AKAP9: variants seen among roughly 807,000 people sequenced by gnomAD.
The protein encoded by AKAP9 is A-kinase anchor protein 9.
AKAP9 carries 311 observed loss-of-function variants against 488.5 expected under a neutral mutation model. That is an observed-to-expected ratio of 0.64 (90% confidence interval 0.58 to 0.70). The LOEUF is 0.70. AKAP9 is among the 30% of genes least tolerant of loss of function. The probability of loss-of-function intolerance (pLI) is 0.00; values close to 1 mark genes in which losing one functional copy is unlikely to be tolerated. For synonymous variants in AKAP9, 1,462 were observed against 1,483.5 expected (o/e 0.99, Z 0.33); for missense variants, 4,215 against 4,374.5 (o/e 0.96, Z 1.03).
chr7:91,952,303 C>G (rs778174669), intron 1 of AKAP9, among the ~76,000 whole-genome samples: 10 of 152,214 alleles, frequency 6.6e-5, no homozygotes, highest in Non-Finnish European at 1.2e-4. Context: ...TGAACACTTA[C>G]TACTTGCTAG....
At chr7:91,977,713 C>T (rs1795884123) in intron 2 of AKAP9, among the ~76,000 whole-genome samples, 1 of 152,050 alleles carries the variant, frequency 6.6e-6, no homozygotes, top group Non-Finnish European at 1.5e-5. Context: ...TTTATTAAAA[C>T]TGGAATTTTA....
chr7:92,088,920 A>G (rs1318092498), intron 37 of AKAP9, among the ~76,000 whole-genome samples: 2 of 152,232 alleles, frequency 1.3e-5, no homozygotes, highest in Non-Finnish European at 2.9e-5. Flanking sequence ...GCTAACAGAT[A>G]CATGGGAACT....
At chr7:92,110,018 A>T (rs1001696515) in intron 49 of AKAP9, 104 bp from the exon 50 acceptor site, 1 of 915,982 alleles carries the variant, frequency 1.1e-6, no homozygotes, top group South Asian at 1.4e-5. Flanking sequence ...GGGCTTTAAA[A>T]AAATGGAGAA....
rs1330510483 is a variant in AKAP9, at chr7:92,065,355, C to T, written c.6102C>T (p.Val2034=). The change falls in exon 25 of 50, where the codon GTC becomes GTT. Residue 2034 remains valine, a synonymous_variant. Coordinates refer to ENST00000356239, the MANE Select transcript of AKAP9 (RefSeq NM_005751.5). ...TAGAAATAGATGTGGAAGAACAAGT[C>T]AGTAGGTTTATAGAGCTGGAACAAG... is the stretch of plus-strand genomic sequence containing the variant. ...KALEIDVEEQ[V]SRFIELEQEK... is the part of the protein sequence containing the mutation. 2 of 1,612,910 alleles carry T rather than the reference C, an allele frequency of 1.2e-6. No individual in the cohort carries two copies. The highest frequency in any genetic ancestry group is 1.7e-6 in the Non-Finnish European group (2 of 1,179,418).
rs56800758 is a variant in AKAP9 at position 91,963,482 on chromosome 7, TCACACACACACACACACACACA to T, written c.49-10204_49-10183del. 1.8e-3 allele frequency among the ~76,000 whole-genome samples: 250 copies of T among 139,316 alleles called. 2 individuals carry two copies. Among genetic ancestry groups the T allele is most frequent in the African/African-American group, 6.2e-3 (237 of 38,358 alleles). The allele number at this position is 139,316 out of a possible 152,430, so 91.4% of individuals were successfully genotyped here. On this transcript the variant is annotated intron_variant, in intron 1 of 49. Transcript: ENST00000356239. ...TGTTATTCTGTAGATAACATATTTG[TCACACACACACACACACACACA>T]CACACACACACACACACACACACAT...
At chr7:92,063,428 G>A (rs919043034) in intron 24 of AKAP9, 1 of 913,444 alleles carries the variant, frequency 1.1e-6, no homozygotes, top group Non-Finnish European at 1.3e-6. Context: ...TACTTTTGTT[G>A]TGTCTTTTTT....
rs1813909265 is a variant in AKAP9, at chr7:92,083,239, A to C, written c.8230A>C (p.Lys2744Gln). The C allele has an allele frequency of 1.9e-6, 3 of 1,614,128 alleles. No homozygotes were observed. Among genetic ancestry groups the C allele is most frequent in the East Asian group, 4.5e-5 (2 of 44,870 alleles). Residue 2744 changes from lysine (K) to glutamine (Q), a missense_variant, in exon 33 of 50, where the codon AAA becomes CAA. Coordinates refer to ENST00000356239, the MANE Select transcript of AKAP9 (RefSeq NM_005751.5). ...SQVRDHLAEA[K>Q]EKLSILEKED... ...AGTTAGGGATCACCTCGCAGAGGCA[A>C]AAGAGAAATTGTCCATTTTAGAAAA...
intron 1 of AKAP9, among the ~76,000 whole-genome samples, chr7:91,944,796 T>C (rs12666179): frequency 0.55 from 83,892 of 152,154 alleles, 24,211 homozygotes; most frequent in East Asian, 0.8. Flanking sequence ...ACAGAATAAC[T>C]AGGTTTCCTA....
intron 8 of AKAP9, among the ~76,000 whole-genome samples, chr7:92,003,740 G>GT (rs35247929): frequency 1.3e-5 from 2 of 151,856 alleles, no homozygotes; most frequent in African/African-American, 2.4e-5. Context: ...AAGTCCTAGA[G>GT]TTTTTTCAGA....
intron 47 of AKAP9, among the ~76,000 whole-genome samples, 188 bp downstream of exon 47, chr7:92,105,951 A>G (rs1818448074): frequency 6.6e-6 from 1 of 152,232 alleles, no homozygotes; most frequent in Non-Finnish European, 1.5e-5. Context: ...AGATTCTCAT[A>G]GGAGCACAAA....
At position 92,098,183 on chromosome 7, in the gene AKAP9, T is replaced by A. The variant is rs1816933034; in HGVS notation, c.10682T>A (p.Leu3561Gln). 3 of 1,610,858 alleles carry A rather than the reference T, an allele frequency of 1.9e-6. No homozygotes were observed. The highest frequency in any genetic ancestry group is 2.5e-6 in the Non-Finnish European group (3 of 1,177,274). The change falls in exon 43 of 50, where the codon CTA becomes CAA. Residue 3561 changes from leucine to glutamine, a missense_variant. This residue lies in a region of AKAP9 where 1,476 missense variants were observed against 1,477.4 expected (regional missense o/e 1.00). Coordinates refer to ENST00000356239, the MANE Select transcript of AKAP9 (RefSeq NM_005751.5). Reference sequence around the variant, plus strand: ...AATATTGATGAAATTATTTTACAACTACAGAAATTAACTGGCCAGCAAGGT... The same window carrying A: ...AATATTGATGAAATTATTTTACAACAACAGAAATTAACTGGCCAGCAAGGT... The part of the protein sequence containing the change: ...QENIDEIILQ[L>Q]QKLTGQQGEE...
Position 92,097,643 on chromosome 7 carries a change from A to G in AKAP9, c.10456A>G (p.Ile3486Val), listed in dbSNP as rs1380358536. Reference protein sequence around the residue: ...RTRNWVLQQKIEGETKESNYA... With the variant: ...RTRNWVLQQKVEGETKESNYA... ...TAGAAATTGGGTTCTTCAACAGAAA[A>G]TAGAAGGAGAAACAAAAGAATCAAA... Residue 3486 changes from isoleucine (I) to valine (V), a missense_variant, in exon 42 of 50, where the codon ATA becomes GTA. Physicochemically the swap from Ile to Val is conservative, Grantham distance 29 (BLOSUM62 3). Coordinates refer to ENST00000356239, the MANE Select transcript of AKAP9 (RefSeq NM_005751.5). 1.2e-6 allele frequency: 2 copies of G among 1,614,126 alleles called. No individual in the cohort carries two copies.
At chr7:92,028,680 A>T (rs6952389) in intron 14 of AKAP9, among the ~76,000 whole-genome samples, 1 of 152,140 alleles carries the variant, frequency 6.6e-6, no homozygotes, top group South Asian at 2.1e-4. Context: ...CAATTGTTAT[A>T]ACCCCCGATT....
intron 46 of AKAP9, among the ~76,000 whole-genome samples, chr7:92,105,074 G>A (rs1450044669): frequency 1.3e-5 from 2 of 152,084 alleles, no homozygotes; most frequent in African/African-American, 4.8e-5. Flanking sequence ...TCCTAAGATG[G>A]AGCCTTGGAA....
At chr7:92,081,273 G>GAATTAATT (rs925805336) in intron 31 of AKAP9, among the ~76,000 whole-genome samples, 1 of 150,862 alleles carries the variant, frequency 6.6e-6, no homozygotes, top group Non-Finnish European at 1.5e-5. Context: ...AGCATCTACT[G>GAATTAATT]AATTAATTAA....
chr7:92,003,091 T>C lies in AKAP9; in HGVS notation c.3174T>C (p.Asn1058=). 6.2e-7 allele frequency: 1 copy of C among 1,612,472 alleles called. No homozygotes were observed. The highest frequency in any genetic ancestry group is 8.5e-7 in the Non-Finnish European group (1 of 1,179,252). ...IMVEDKVSFE[N]MTVGEESKQE... The stretch of plus-strand genomic sequence containing the variant: ...TGGAAGATAAAGTTTCTTTTGAAAA[T>C]ATGACTGTTGGAGAAGAAAGTAAGC... The change falls in exon 8 of 50, where the codon AAT becomes AAC. Residue 1058 remains asparagine, a synonymous_variant. Coordinates refer to ENST00000356239, the MANE Select transcript of AKAP9 (RefSeq NM_005751.5).
chr7:92,085,580 T>C lies in AKAP9; in HGVS notation c.8918T>C (p.Ile2973Thr). Residue 2973 changes from isoleucine (I) to threonine (T), a missense_variant, in exon 36 of 50, where the codon ATT (isoleucine) becomes ACT (threonine). Coordinates refer to ENST00000356239, the MANE Select transcript of AKAP9 (RefSeq NM_005751.5). The part of the protein sequence containing the change: ...SPYSDGEDHS[I>T]QQVSEPWLEE... The stretch of plus-strand genomic sequence containing the variant: ...TATAGTGATGGAGAGGACCATTCTA[T>C]TCAGCAGGTTTCAGAACCTTGGCTA... The C allele has an allele frequency of 6.2e-7, 1 of 1,613,956 alleles. No individual in the cohort carries two copies. The highest frequency in any genetic ancestry group is 2.2e-5 in the East Asian group (1 of 44,878).
In AKAP9 at chr7:92,065,432, A is replaced by T. The variant is rs757213927; in HGVS notation, c.6179A>T (p.Lys2060Met). ...DLRQQNQALE[K>M]QLEKMRKFLD... ...AGACAGCAAAACCAAGCATTGGAAA[A>T]GCAGTTAGAAAAAATGAGAAAATTT... is the stretch of plus-strand genomic sequence containing the variant. The change falls in exon 25 of 50, where the codon AAG becomes ATG. Residue 2060 changes from lysine to methionine, a missense_variant. Lys to Met is a moderately conservative substitution (Grantham distance 95). This residue lies in a region of AKAP9 where 2,361 missense variants were observed against 2,430.0 expected (regional missense o/e 0.97). Transcript: ENST00000356239. 1 of 1,612,542 alleles carries T rather than the reference A, an allele frequency of 6.2e-7. No individual in the cohort carries two copies. The highest frequency in any genetic ancestry group is 1.1e-5 in the South Asian group (1 of 90,806).
At chr7:91,982,857 C>T (rs1796604960) in intron 3 of AKAP9, among the ~76,000 whole-genome samples, 2 of 152,104 alleles carry the variant, frequency 1.3e-5, no homozygotes, top group Non-Finnish European at 2.9e-5. Context: ...TCTGTTGTCT[C>T]CTGACTTTTT....
Sources: allele counts gnomAD v4.1 joint callset (sites outside exome capture counted in the v4.1 genomes callset), GRCh38; gene constraint gnomAD v4.1.1; regional missense constraint gnomAD v4.1.1; transcripts MANE v1.5; gene names NCBI Gene and HGNC (gene_info 2026-07-23, HGNC 2026-07-21).